Variants in LRRC8D observed in about 807,000 individuals in gnomAD.
The protein encoded by LRRC8D is leucine rich repeat containing 8 VRAC subunit D.
Under a neutral mutation model 55.8 loss-of-function variants are expected in LRRC8D, and 20 were observed. The ratio of observed to expected loss-of-function variants is 0.36; its 90% CI spans 0.25 to 0.52. The LOEUF (loss-of-function observed/expected upper bound fraction) is 0.52, where lower values mean the gene tolerates loss of function less well. LRRC8D is among the 20% of genes least tolerant of loss of function. The pLI, the probability that LRRC8D is intolerant of heterozygous loss-of-function variation, is 0.93. For synonymous variants in LRRC8D, 352 were observed against 377.0 expected, an observed-to-expected ratio of 0.93 and a Z score of 0.77; for missense variants, 651 against 1,030.8, an observed-to-expected ratio of 0.63 and a Z score of 5.05.
Position 89,933,631 on chromosome 1 carries a change from A to T in LRRC8D, c.563A>T (p.Lys188Ile). The T allele has an allele frequency of 6.2e-7, 1 of 1,614,162 alleles. No homozygotes were observed. The change falls in exon 3 of 3, where the codon AAA (lysine) becomes ATA (isoleucine). Residue 188 changes from lysine to isoleucine, a missense_variant. Physicochemically the swap from Lys to Ile is moderately radical, Grantham distance 102. Coordinates refer to ENST00000337338, the MANE Select transcript of LRRC8D (RefSeq NM_001134479.2). The surrounding 1 kb of genome is among the most constrained non-coding windows in gnomAD (Gnocchi z 7.0). The part of the protein sequence containing the change: ...VSSNFWFKYP[K>I]TCSKVEHFVS... The stretch of plus-strand genomic sequence containing the variant: ...AGCAACTTTTGGTTCAAATATCCCA[A>T]AACATGCTCAAAAGTAGAACATTTT...
intron 2 of LRRC8D, among the ~76,000 whole-genome samples, chr1:89,880,444 G>A (rs1014862357): frequency 6.7e-6 from 1 of 150,338 alleles, no homozygotes; most frequent in African/African-American, 2.5e-5. Flanking sequence ...AGAAAGAAGA[G>A]ACCTAGGTTT....
At chr1:89,835,263 T>C (rs1187505020) in intron 1 of LRRC8D, among the ~76,000 whole-genome samples, 1 of 152,220 alleles carries the variant, frequency 6.6e-6, no homozygotes, top group Non-Finnish European at 1.5e-5. Flanking sequence ...TGGGGCATTC[T>C]AGAGAAAGGT....
At chr1:89,828,098 G>GC (rs1660805837) in intron 1 of LRRC8D, among the ~76,000 whole-genome samples, 2 of 152,346 alleles carry the variant, frequency 1.3e-5, no homozygotes, top group East Asian at 3.9e-4. Flanking sequence ...TGTGCACGAA[G>GC]GCTGGGTACT....
At chr1:89,860,224 A>G (rs917329948) in intron 2 of LRRC8D, among the ~76,000 whole-genome samples, 5 of 152,238 alleles carry the variant, frequency 3.3e-5, no homozygotes, top group Admixed American at 2.0e-4. Context: ...AAAATGTACA[A>G]TTTAAGCTTT....
chr1:89,932,848 C>T (rs1202653856), intron 2 of LRRC8D, among the ~76,000 whole-genome samples: 2 of 152,318 alleles, frequency 1.3e-5, no homozygotes, highest in East Asian at 3.9e-4. Flanking sequence ...TAATTTCTTA[C>T]CTAGAATGCA....
intron 2 of LRRC8D, among the ~76,000 whole-genome samples, chr1:89,925,929 G>A (rs1020876180): frequency 6.6e-6 from 1 of 152,150 alleles, no homozygotes; most frequent in African/African-American, 2.4e-5. Context: ...CCATACTTTG[G>A]CTTACCCGTG....
intron 2 of LRRC8D, among the ~76,000 whole-genome samples, chr1:89,885,623 A>G (rs532507335): frequency 5.9e-5 from 9 of 152,320 alleles, no homozygotes; most frequent in African/African-American, 1.4e-4. Context: ...TAAGTTTCCT[A>G]TATATGTGCA....
intron 2 of LRRC8D, among the ~76,000 whole-genome samples, chr1:89,874,165 CT>C (rs1662091499): frequency 6.6e-6 from 1 of 152,136 alleles, no homozygotes; most frequent in Non-Finnish European, 1.5e-5. Flanking sequence ...TAAATTTCTC[CT>C]ACACAAAGCT....
intron 2 of LRRC8D, among the ~76,000 whole-genome samples, chr1:89,857,806 A>G (rs1049809860): frequency 6.6e-6 from 1 of 152,240 alleles, no homozygotes. Flanking sequence ...AGTTTTCTAC[A>G]TATGTAAAGT....
chr1:89,865,333 TATA>T (rs1557457729), intron 2 of LRRC8D, among the ~76,000 whole-genome samples: 4 of 37,602 alleles, frequency 1.1e-4, no homozygotes, highest in South Asian at 1.7e-3. Context: ...CATGAAATTA[TATA>T]TATATATATA....
intron 1 of LRRC8D, among the ~76,000 whole-genome samples, chr1:89,830,687 T>C (rs1158089992): frequency 6.6e-6 from 1 of 152,170 alleles, no homozygotes; most frequent in African/African-American, 2.4e-5. Flanking sequence ...TGTGGGCCGG[T>C]GTTGCCAGGT....
chr1:89,911,547 CT>C lies in LRRC8D; in HGVS notation c.-2-21516del, dbSNP rs1295759755. ...TACTCTCTCACCCTGCTACTTCCAA[CT>C]TTTACCCCTCTACTCCTTTCCTATC... On this transcript the variant is annotated intron_variant, in intron 2 of 2. Coordinates refer to ENST00000337338, the MANE Select transcript of LRRC8D (RefSeq NM_001134479.2). The surrounding 1 kb of genome is among the most constrained non-coding windows in gnomAD (Gnocchi z 4.0). Among the ~76,000 whole-genome samples, 1 of 152,158 alleles carries C rather than the reference CT, an allele frequency of 6.6e-6. No homozygotes were observed. Among genetic ancestry groups the C allele is most frequent in the Non-Finnish European group, 1.5e-5 (1 of 68,038 alleles).
At chr1:89,900,416 G>A (rs1175642943) in intron 2 of LRRC8D, among the ~76,000 whole-genome samples, 2 of 152,020 alleles carry the variant, frequency 1.3e-5, no homozygotes, top group Non-Finnish European at 2.9e-5. Context: ...GTCATCGTCT[G>A]TTTTCTTAGT....
intron 2 of LRRC8D, among the ~76,000 whole-genome samples, chr1:89,904,013 C>T (rs1004023419): frequency 1.3e-5 from 2 of 152,188 alleles, no homozygotes; most frequent in Non-Finnish European, 2.9e-5. Context: ...CTGGAATCCC[C>T]AGTTTAGCCT....
chr1:89,830,200 T>C (rs553965177), intron 1 of LRRC8D, among the ~76,000 whole-genome samples: 4 of 152,350 alleles, frequency 2.6e-5, no homozygotes, highest in African/African-American at 9.6e-5. Context: ...ATAATCTCTT[T>C]GCTGGAGTGA....
At chr1:89,855,254 T>G (rs949730607) in intron 2 of LRRC8D, among the ~76,000 whole-genome samples, 1 of 152,222 alleles carries the variant, frequency 6.6e-6, no homozygotes, top group African/African-American at 2.4e-5. Flanking sequence ...TTGAAGGATT[T>G]CATCACTCTT....
chr1:89,880,768 A>G (rs1662261945), intron 2 of LRRC8D, among the ~76,000 whole-genome samples: 1 of 152,150 alleles, frequency 6.6e-6, no homozygotes, highest in Non-Finnish European at 1.5e-5. Flanking sequence ...CTAGTCTTTG[A>G]ACTGATCTAT....
Position 89,838,633 on chromosome 1 carries a change from T to A in LRRC8D, c.-147-5005T>A, listed in dbSNP as rs554179738. On this transcript the variant is annotated intron_variant, in intron 1 of 2. Transcript: ENST00000337338. ...TACAGGTATTTGCATTTAGTCAGAA[T>A]TTTGGGGGATCTTACCCTTCTTTCA... Among the ~76,000 whole-genome samples the A allele has an allele frequency of 3.2e-3, 481 of 152,310 alleles. 7 individuals are homozygous for A. The highest frequency in any genetic ancestry group is 0.011 in the African/African-American group (452 of 41,570).
intron 2 of LRRC8D, among the ~76,000 whole-genome samples, chr1:89,927,651 C>T (rs1663601588): frequency 3.9e-5 from 6 of 152,196 alleles, no homozygotes; most frequent in Admixed American, 3.9e-4. Flanking sequence ...CATTGACACA[C>T]TCACCAGAAG....
Sources: gnomAD v4.1 joint callset for allele counts (sites outside exome capture counted in the v4.1 genomes callset) on GRCh38, gnomAD v4.1.1 for gene constraint, Gnocchi (gnomAD v3.1) non-coding constraint, MANE v1.5 for transcripts, NCBI Gene and HGNC (gene_info 2026-07-23, HGNC 2026-07-21) for gene names.